Variants in PKNOX2 observed in about 807,000 individuals in gnomAD.
The protein encoded by PKNOX2 is PBX/knotted 1 homeobox 2.
A neutral mutation model predicts 53.1 loss-of-function variants in PKNOX2; 14 were observed. The observed-to-expected ratio is 0.26, with a 90% CI of 0.17 to 0.41. The LOEUF is 0.41. Ranked by LOEUF, PKNOX2 falls within the 10% of genes least tolerant of loss-of-function variation. The pLI, the probability that PKNOX2 is intolerant of heterozygous loss-of-function variation, is 1.00. For missense variants in PKNOX2, 496 were observed against 602.8 expected (o/e 0.82, Z 1.85); for synonymous variants, 257 against 242.8 (o/e 1.06, Z -0.54).
chr11:125,419,352 TGA>T (rs1207828204), intron 10 of PKNOX2, among the ~76,000 whole-genome samples: 1 of 151,212 alleles, frequency 6.6e-6, no homozygotes, highest in Non-Finnish European at 1.5e-5. Flanking sequence ...CCAGTCTCAT[TGA>T]GAGTTCCCAT....
chr11:125,273,518 C>T (rs1019328855), intron 2 of PKNOX2, among the ~76,000 whole-genome samples: 18 of 152,154 alleles, frequency 1.2e-4, no homozygotes, highest in South Asian at 2.1e-4. Flanking sequence ...AGGTTCTCAA[C>T]TTTGGGCTGG....
chr11:125,398,184 A>G, intron 7 of PKNOX2, 122 bp downstream of exon 7: 2 of 976,052 alleles, frequency 2.0e-6, no homozygotes, highest in East Asian at 2.6e-5. Flanking sequence ...TTCCTTTGCC[A>G]TGAGGGCCCT....
intron 2 of PKNOX2, among the ~76,000 whole-genome samples, chr11:125,326,347 A>G (rs1182491401): frequency 1.3e-5 from 2 of 151,780 alleles, no homozygotes; most frequent in Non-Finnish European, 2.9e-5. Context: ...GGGCCAGGGA[A>G]CTCACACAGG....
At chr11:125,213,847 C>T (rs920642937) in intron 1 of PKNOX2, among the ~76,000 whole-genome samples, 8 of 151,956 alleles carry the variant, frequency 5.3e-5, no homozygotes, top group African/African-American at 1.4e-4. Flanking sequence ...TGAGATGGTG[C>T]GCACAGAGGA....
At chr11:125,269,917 A>G (rs1945658865) in intron 2 of PKNOX2, among the ~76,000 whole-genome samples, 1 of 152,208 alleles carries the variant, frequency 6.6e-6, no homozygotes, top group African/African-American at 2.4e-5. Context: ...GCATGCATTA[A>G]TTTAACAAAT....
intron 3 of PKNOX2, among the ~76,000 whole-genome samples, chr11:125,344,149 C>A (rs2136170941): frequency 6.6e-6 from 1 of 152,316 alleles, no homozygotes; most frequent in African/African-American, 2.4e-5. Flanking sequence ...ACCCGGCACC[C>A]TCTCCTCCAG....
intron 2 of PKNOX2, among the ~76,000 whole-genome samples, chr11:125,309,686 C>T (rs78947713): frequency 0.042 from 6,445 of 152,164 alleles, 447 homozygotes; most frequent in African/African-American, 0.15. Flanking sequence ...CTGTGCCCGG[C>T]CTCTAACAGT....
chr11:125,347,749 G>C (rs1006795140), intron 3 of PKNOX2, among the ~76,000 whole-genome samples: 1 of 152,222 alleles, frequency 6.6e-6, no homozygotes, highest in African/African-American at 2.4e-5. Context: ...GTGGGGTCAA[G>C]TGTTGCAATA....
intron 4 of PKNOX2, among the ~76,000 whole-genome samples, chr11:125,363,623 G>A (rs574637141): frequency 1.3e-4 from 20 of 152,080 alleles, no homozygotes; most frequent in African/African-American, 4.1e-4. Flanking sequence ...TGTCCCTAGC[G>A]GGCTGCCAAG....
intron 2 of PKNOX2, among the ~76,000 whole-genome samples, chr11:125,301,715 G>T (rs1400866951): frequency 6.6e-6 from 1 of 152,118 alleles, no homozygotes; most frequent in Non-Finnish European, 1.5e-5. Flanking sequence ...AACAGTTTGG[G>T]TTTGGTGGAC....
At chr11:125,197,368 A>G (rs958774504) in intron 1 of PKNOX2, among the ~76,000 whole-genome samples, 5 of 152,108 alleles carry the variant, frequency 3.3e-5, no homozygotes, top group African/African-American at 4.8e-5. Context: ...GGGACTGCCC[A>G]CCCAGGTCCT....
At chr11:125,204,047 G>C (rs1808861) in intron 1 of PKNOX2, among the ~76,000 whole-genome samples, 30,398 of 152,072 alleles carry the variant, frequency 0.2, 3,107 homozygotes, top group African/African-American at 0.24. Context: ...CGTGTGGAGA[G>C]GGGGGAGGCA....
At chr11:125,201,267 AGC>A (rs1938403807) in intron 1 of PKNOX2, among the ~76,000 whole-genome samples, 3 of 151,824 alleles carry the variant, frequency 2.0e-5, no homozygotes, top group Non-Finnish European at 4.4e-5. Context: ...GACATGCGGG[AGC>A]TCTGAGTGAA....
chr11:125,251,997 G>T (rs1175078821), intron 2 of PKNOX2, among the ~76,000 whole-genome samples: 1 of 151,966 alleles, frequency 6.6e-6, no homozygotes, highest in Non-Finnish European at 1.5e-5. Context: ...TATGCCTTTT[G>T]GAGCTTATAG....
chr11:125,329,872 G>A (rs1011739934), intron 2 of PKNOX2, among the ~76,000 whole-genome samples: 1 of 152,166 alleles, frequency 6.6e-6, no homozygotes, highest in East Asian at 1.9e-4. Flanking sequence ...CTGCTTTTTC[G>A]ACAATGAGCA....
Position 125,348,943 on chromosome 11 carries a change from T to C in PKNOX2, c.-22-2341T>C, listed in dbSNP as rs1254999089. 2.6e-5 allele frequency among the ~76,000 whole-genome samples: 4 copies of C among 152,130 alleles called. No homozygotes were observed. In the East Asian group the frequency reaches 7.7e-4, roughly 29 times the overall value. ...GACTCTGCCCCCAGGCTCCCTCTTC[T>C]GGAGGCTGCAGGCACTACAGTGCTA... is the stretch of plus-strand genomic sequence containing the variant. On this transcript the variant is annotated intron_variant, in intron 3 of 12. Coordinates refer to ENST00000298282, the MANE Select transcript of PKNOX2 (RefSeq NM_001382323.2).
At chr11:125,409,809 A>G (rs1428101145) in intron 7 of PKNOX2, among the ~76,000 whole-genome samples, 1 of 152,098 alleles carries the variant, frequency 6.6e-6, no homozygotes, top group Non-Finnish European at 1.5e-5. Context: ...GATGGATCTG[A>G]TCAAGAAAAA....
chr11:125,174,406 A>G (rs922789281), intron 1 of PKNOX2, among the ~76,000 whole-genome samples: 72 of 152,336 alleles, frequency 4.7e-4, no homozygotes, highest in African/African-American at 1.7e-3. Flanking sequence ...AACAAGCTAT[A>G]TGACCTTGAC....
chr11:125,208,471 C>T (rs1939420852), intron 1 of PKNOX2, among the ~76,000 whole-genome samples: 1 of 152,026 alleles, frequency 6.6e-6, no homozygotes, highest in African/African-American at 2.4e-5. Context: ...ATCTTGCAGA[C>T]ACTAATGTGT....
Sources: allele counts gnomAD v4.1 joint callset (sites outside exome capture counted in the v4.1 genomes callset), GRCh38; gene constraint gnomAD v4.1.1; transcripts MANE v1.5; gene names NCBI Gene and HGNC (gene_info 2026-07-23, HGNC 2026-07-21).